FAM76A: variants seen among roughly 807,000 people sequenced by gnomAD.
FAM76A encodes family with sequence similarity 76 member A, also known as protein FAM76A.
In FAM76A, 32 loss-of-function variants were observed where a neutral mutation model predicts 46.2. The ratio of observed to expected loss-of-function variants is 0.69; its 90% confidence interval spans 0.52 to 0.93. The LOEUF (loss-of-function observed/expected upper bound fraction) is 0.93, where lower values mean the gene tolerates loss of function less well. Among genes scored for constraint, FAM76A ranks in the 40% least tolerant of loss-of-function variants. FAM76A has a pLI of 0.00. For missense variants in FAM76A, 274 were observed against 361.5 expected (o/e 0.76, Z 1.96); for synonymous variants, 137 against 127.0 (o/e 1.08, Z -0.53).
intron 2 of FAM76A, among the ~76,000 whole-genome samples, chr1:27,729,935 C>T (rs995787286): frequency 6.6e-6 from 1 of 152,172 alleles, no homozygotes; most frequent in Admixed American, 6.5e-5. Context: ...ACCCTTGCTT[C>T]CTCCAGGCAA....
rs2088528935 is a variant in FAM76A, at chr1:27,762,808, T to C, written c.*2227T>C. Reference sequence around the variant, plus strand: ...GACTGAAATTCTGTTACATGATGTATGACAATATAAAAACATACTTAGTTT... The same window carrying C: ...GACTGAAATTCTGTTACATGATGTACGACAATATAAAAACATACTTAGTTT... On this transcript the variant is annotated 3_prime_UTR_variant, in exon 9 of 9. Transcript: ENST00000373954. The C allele has an allele frequency of 1.3e-5, 2 of 152,196 alleles. No homozygotes were observed. Among genetic ancestry groups the C allele is most frequent in the African/African-American group, 2.4e-5 (1 of 41,456 alleles). 9.4% of individuals were successfully genotyped at this position (152,196 alleles called of 1,614,324 possible). A position where few individuals can be genotyped will look rare whatever the true frequency, so the allele number is the denominator to read the frequency against.
rs754805768 is a variant in FAM76A at position 27,727,465 on chromosome 1, A to G, written c.82-7A>G. The G allele has an allele frequency of 5.6e-6, 9 of 1,613,040 alleles. No homozygotes were observed. In the South Asian group the frequency reaches 8.8e-5, roughly 16 times the overall value. On this transcript the variant is annotated splice_region_variant and splice_polypyrimidine_tract_variant and intron_variant, in intron 1 of 8. Coordinates refer to ENST00000373954, the MANE Select transcript of FAM76A (RefSeq NM_152660.3). ...CCTTTTAAAATTATATCCTCATTTC[A>G]TTTCAGGAATGTCGGATTGCACACC...
intron 7 of FAM76A, among the ~76,000 whole-genome samples, chr1:27,755,882 G>A (rs1240849532): frequency 6.6e-6 from 1 of 152,124 alleles, no homozygotes; most frequent in Non-Finnish European, 1.5e-5. Context: ...GCCTCAGAGA[G>A]GACATTTGTT....
rs939592842 is a variant in FAM76A, at chr1:27,744,923, G to A, written c.512+112G>A. The A allele has an allele frequency of 8.8e-6, 9 of 1,019,224 alleles. No homozygotes were observed. In the South Asian group the frequency reaches 1.3e-4, roughly 14 times the overall value. The allele number at this position is 1,019,224 out of a possible 1,614,324, so 63.1% of individuals were successfully genotyped here. On this transcript the variant is annotated intron_variant, in intron 5 of 8. Coordinates refer to ENST00000373954, the MANE Select transcript of FAM76A (RefSeq NM_152660.3). ...CTCATATACATTTTCTATATTCTCT[G>A]TAGGTACTAGTCTGTAGGAGGAAGC...
At position 27,725,978 on chromosome 1, in the gene FAM76A, T is replaced by G; in HGVS notation, c.-103T>G. 2 of 936,824 alleles carry G rather than the reference T, an allele frequency of 2.1e-6. No individual in the cohort carries two copies. 58.0% of individuals were successfully genotyped at this position (936,824 alleles called of 1,614,324 possible). The stretch of plus-strand genomic sequence containing the variant: ...CCCGACCCGCCTGCGCCCGCCCGCC[T>G]GCCGCAGCCAGCAGCCTGCAGCCGC... On this transcript the variant is annotated 5_prime_UTR_variant, in exon 1 of 9. Transcript: ENST00000373954.
chr1:27,734,552 A>C (rs550725538), intron 4 of FAM76A, among the ~76,000 whole-genome samples: 3 of 152,258 alleles, frequency 2.0e-5, no homozygotes, highest in Non-Finnish European at 4.4e-5. Context: ...ATCTCAAAAC[A>C]AAAAAACAAA....
chr1:27,743,325 TGTG>T (rs750847202), intron 4 of FAM76A, among the ~76,000 whole-genome samples: 6 of 152,224 alleles, frequency 3.9e-5, no homozygotes, highest in Non-Finnish European at 7.4e-5. Flanking sequence ...TAATTTTTGT[TGTG>T]TTTCTTTTTG....
intron 5 of FAM76A, among the ~76,000 whole-genome samples, chr1:27,748,748 C>T (rs7544435): frequency 0.16 from 24,329 of 149,044 alleles, 5,050 homozygotes; most frequent in African/African-American, 0.48. Flanking sequence ...CCCAAAGTGC[C>T]GGGATTACAG....
In FAM76A at chr1:27,760,907, G is replaced by GTTTTTTTTTTTTTTTTTTTTTTT. The variant is rs2088497712; in HGVS notation, c.*327_*328insTTTTTTTTTTTTTTTTTTTTTTT. On this transcript the variant is annotated 3_prime_UTR_variant, in exon 9 of 9. Coordinates refer to ENST00000373954, the MANE Select transcript of FAM76A (RefSeq NM_152660.3). ...TTTTTTTTTTTTTTTTTTTGTGGTG[G>GTTTTTTTTTTTTTTTTTTTTTTT]TCACTGCTCAGTGTAATGTGCAGAA... 1 of 56,372 alleles carries GTTTTTTTTTTTTTTTTTTTTTTT rather than the reference G, an allele frequency of 1.8e-5. No individual in the cohort carries two copies. The highest frequency in any genetic ancestry group is 8.6e-5 in the African/African-American group (1 of 11,572). 3.5% of individuals were successfully genotyped at this position (56,372 alleles called of 1,614,324 possible). A position where few individuals can be genotyped will look rare whatever the true frequency, so the allele number is the denominator to read the frequency against.
chr1:27,735,011 C>T (rs2088021126), intron 4 of FAM76A, among the ~76,000 whole-genome samples: 1 of 152,228 alleles, frequency 6.6e-6, no homozygotes, highest in East Asian at 1.9e-4. Flanking sequence ...AAACTCAAAT[C>T]CCTTCTATGG....
At chr1:27,758,884 C>G (rs2088459573) in intron 7 of FAM76A, among the ~76,000 whole-genome samples, 1 of 152,126 alleles carries the variant, frequency 6.6e-6, no homozygotes, top group African/African-American at 2.4e-5. Context: ...GCTTGGAATA[C>G]AGGCTCTTTA....
At chr1:27,758,472 A>G (rs1007994669) in intron 7 of FAM76A, among the ~76,000 whole-genome samples, 1 of 152,134 alleles carries the variant, frequency 6.6e-6, no homozygotes, top group Non-Finnish European at 1.5e-5. Context: ...ACTTGTTTCT[A>G]CTGCTTTGCA....
At chr1:27,758,690 T>G (rs1280008291) in intron 7 of FAM76A, among the ~76,000 whole-genome samples, 4 of 148,486 alleles carry the variant, frequency 2.7e-5, no homozygotes, top group African/African-American at 1.0e-4. Flanking sequence ...TTTTTTTTTT[T>G]TTTTTTTTTG....
At chr1:27,735,492 G>A (rs113115259) in intron 4 of FAM76A, among the ~76,000 whole-genome samples, 11 of 152,280 alleles carry the variant, frequency 7.2e-5, no homozygotes, top group African/African-American at 2.6e-4. Flanking sequence ...GTGCTTTTAA[G>A]AGGTGCTTGG....
chr1:27,734,143 AG>A lies in FAM76A; in HGVS notation c.315del (p.Lys105AsnfsTer15). On this transcript the variant is annotated frameshift_variant, in exon 4 of 9. Transcript: ENST00000373954. LOFTEE classifies it high-confidence loss of function. ...CCACCCTATTCTTGTGAACAGTGCA[AG>A]CAGCAGTGTGCATTTGACAGGAAAG... ...YGPPYSCEQC[K>X]QQCAFDRKDD... 1 of 1,602,898 alleles carries A rather than the reference AG, an allele frequency of 6.2e-7. No individual in the cohort carries two copies. The highest frequency in any genetic ancestry group is 8.5e-7 in the Non-Finnish European group (1 of 1,176,236).
chr1:27,730,491 T>A (rs2087939602), intron 2 of FAM76A, among the ~76,000 whole-genome samples: 1 of 151,182 alleles, frequency 6.6e-6, no homozygotes, highest in African/African-American at 2.4e-5. Flanking sequence ...CAGCCTAGAG[T>A]TAGTTTTTCT....
intron 4 of FAM76A, among the ~76,000 whole-genome samples, chr1:27,738,600 A>G (rs1193247815): frequency 6.6e-6 from 1 of 152,184 alleles, no homozygotes; most frequent in African/African-American, 2.4e-5. Context: ...TCTTAACAAA[A>G]AATTAAATGC....
intron 4 of FAM76A, 96 bp from the exon 5 acceptor site, chr1:27,744,558 A>G (rs981977750): frequency 6.1e-6 from 8 of 1,321,606 alleles, no homozygotes; most frequent in Non-Finnish European, 8.5e-6. Context: ...AAGTTTCAGA[A>G]CTGGGACTGA....
chr1:27,734,353 G>A (rs957662510), intron 4 of FAM76A, among the ~76,000 whole-genome samples, 170 bp downstream of exon 4: 1 of 151,940 alleles, frequency 6.6e-6, no homozygotes, highest in Non-Finnish European at 1.5e-5. Context: ...CAAGACTATC[G>A]TGGCTAACAT....
Sources: gnomAD v4.1 joint callset for allele counts (sites outside exome capture counted in the v4.1 genomes callset) on GRCh38, gnomAD v4.1.1 for gene constraint, MANE v1.5 for transcripts, NCBI Gene and HGNC (gene_info 2026-07-23, HGNC 2026-07-21) for gene names.